The following PLCE1 variants were observed in gnomAD, a reference collection of about 807,000 sequenced individuals.
PLCE1 encodes phospholipase C epsilon 1, also known as 1-phosphatidylinositol 4,5-bisphosphate phosphodiesterase epsilon-1.
A neutral mutation model predicts 242.8 loss-of-function variants in PLCE1; 119 were observed. That is an observed-to-expected ratio of 0.49 (90% CI 0.42 to 0.57). PLCE1 has a LOEUF of 0.57. Ranked by LOEUF, PLCE1 falls within the 20% of genes least tolerant of loss-of-function variation. PLCE1 has a pLI of 0.00. For synonymous variants in PLCE1, 945 were observed against 1,017.4 expected (o/e 0.93, Z 1.35); for missense variants, 2,441 against 2,788.8 (o/e 0.88, Z 2.81).
At position 94,330,939 on chromosome 10, in the gene PLCE1, C is replaced by G. The variant is rs1223466326; in HGVS notation, c.*2996C>G. 2 of 152,146 alleles carry G rather than the reference C, an allele frequency of 1.3e-5. No individual in the cohort carries two copies. Among genetic ancestry groups the G allele is most frequent in the Non-Finnish European group, 2.9e-5 (2 of 68,026 alleles). 9.4% of individuals were successfully genotyped at this position (152,146 alleles called of 1,614,324 possible). ...CATTAAAGTTGATGTGGACAAGAAT[C>G]TAAATATGCAAGTTGGGGTCATTAC... is the stretch of plus-strand genomic sequence containing the variant. On this transcript the variant is annotated 3_prime_UTR_variant, in exon 33 of 33. Transcript: ENST00000371380.
At chr10:94,062,448 A>G (rs1341364806) in intron 2 of PLCE1, among the ~76,000 whole-genome samples, 1 of 152,066 alleles carries the variant, frequency 6.6e-6, no homozygotes, top group South Asian at 2.1e-4. Flanking sequence ...AGCTCAAATG[A>G]TTAGACTTTT....
At chr10:94,315,518 C>T (rs770347627) in intron 28 of PLCE1, 19 of 455,712 alleles carry the variant, frequency 4.2e-5, no homozygotes, top group South Asian at 1.6e-4. Flanking sequence ...CCTGTAATCC[C>T]GGCACTTTGG....
At chr10:94,078,004 C>A (rs1176877327) in intron 2 of PLCE1, among the ~76,000 whole-genome samples, 1 of 152,146 alleles carries the variant, frequency 6.6e-6, no homozygotes, top group African/African-American at 2.4e-5. Context: ...GATTTGGTGG[C>A]AAAACCTTAG....
chr10:94,166,789 C>T lies in PLCE1; in HGVS notation c.1493-4391C>T, dbSNP rs149913544. ...TTATCGTCTATAGCAAGGGGATAAT[C>T]ACACCACCTTACAGGGTTCACTGTG... On this transcript the variant is annotated intron_variant, in intron 3 of 32. Transcript: ENST00000371380. 7.4e-3 allele frequency among the ~76,000 whole-genome samples: 1,123 copies of T among 152,158 alleles called. 15 individuals carry two copies. Among genetic ancestry groups the T allele is most frequent in the African/African-American group, 0.025 (1,058 of 41,496 alleles).
At chr10:94,172,950 GT>G (rs1459940631) in intron 4 of PLCE1, among the ~76,000 whole-genome samples, 1 of 152,200 alleles carries the variant, frequency 6.6e-6, no homozygotes, top group Non-Finnish European at 1.5e-5. Context: ...AATACAACGA[GT>G]GTTAGAGGCT....
At chr10:94,185,657 A>T (rs2048454898) in intron 4 of PLCE1, among the ~76,000 whole-genome samples, 1 of 152,260 alleles carries the variant, frequency 6.6e-6, no homozygotes, top group Admixed American at 6.5e-5. Flanking sequence ...ACACTTAAAC[A>T]AGATAACATA....
At chr10:94,192,649 A>C (rs759178970) in intron 4 of PLCE1, among the ~76,000 whole-genome samples, 12 of 152,188 alleles carry the variant, frequency 7.9e-5, no homozygotes, top group Non-Finnish European at 1.0e-4. Flanking sequence ...ATGCAAGTGC[A>C]TGTGTCTTTT....
At chr10:94,052,954 A>C (rs1001502835) in intron 2 of PLCE1, among the ~76,000 whole-genome samples, 5 of 152,354 alleles carry the variant, frequency 3.3e-5, no homozygotes, top group Non-Finnish European at 7.3e-5. Flanking sequence ...GGAATAAGCC[A>C]CTTGCCATTT....
At chr10:94,229,000 G>A (rs988952435) in intron 5 of PLCE1, among the ~76,000 whole-genome samples, 1 of 152,002 alleles carries the variant, frequency 6.6e-6, no homozygotes, top group Non-Finnish European at 1.5e-5. Context: ...TGGCCAACAT[G>A]GTAAAACCCC....
intron 3 of PLCE1, among the ~76,000 whole-genome samples, chr10:94,149,191 TA>T (rs1194777829): frequency 6.6e-6 from 1 of 152,216 alleles, no homozygotes; most frequent in Non-Finnish European, 1.5e-5. Context: ...TCCATGCTGC[TA>T]AACTCCTCAG....
chr10:94,224,524 C>T (rs2137131588), intron 4 of PLCE1, among the ~76,000 whole-genome samples: 1 of 152,164 alleles, frequency 6.6e-6, no homozygotes, highest in Non-Finnish European at 1.5e-5. Flanking sequence ...GCCATAGAGA[C>T]AATATAGCCA....
At chr10:94,171,707 T>C (rs2047984974) in intron 4 of PLCE1, among the ~76,000 whole-genome samples, 2 of 152,156 alleles carry the variant, frequency 1.3e-5, no homozygotes, top group African/African-American at 2.4e-5. Flanking sequence ...TTAAGCCTAA[T>C]TGATCTCAAC....
chr10:94,232,756 C>T (rs1384773902), intron 5 of PLCE1, among the ~76,000 whole-genome samples: 3 of 152,188 alleles, frequency 2.0e-5, no homozygotes, highest in Non-Finnish European at 2.9e-5. Flanking sequence ...CCTCTTTGCA[C>T]AGTATCCCCT....
At chr10:94,285,035 T>C in intron 22 of PLCE1, 70 bp downstream of exon 22, 2 of 878,320 alleles carry the variant, frequency 2.3e-6, no homozygotes, top group South Asian at 2.7e-5. Context: ...TTTATTTAAT[T>C]GGGCATTGTG....
At chr10:94,093,192 C>T (rs777085050) in intron 2 of PLCE1, among the ~76,000 whole-genome samples, 1 of 152,170 alleles carries the variant, frequency 6.6e-6, no homozygotes, top group Non-Finnish European at 1.5e-5. Context: ...TAAAATTGCC[C>T]AGCTCCATCT....
chr10:94,230,583 C>G (rs1347449502), intron 5 of PLCE1, among the ~76,000 whole-genome samples: 1 of 151,452 alleles, frequency 6.6e-6, no homozygotes, highest in Non-Finnish European at 1.5e-5. Flanking sequence ...CCTCAGCCTC[C>G]CAAAGTGCTA....
intron 2 of PLCE1, among the ~76,000 whole-genome samples, chr10:94,039,699 T>C (rs2134615933): frequency 6.6e-6 from 1 of 152,328 alleles, no homozygotes; most frequent in Non-Finnish European, 1.5e-5. Flanking sequence ...TTTCTCCACA[T>C]CTTGAACAGT....
chr10:94,243,760 A>G (rs994242561), intron 7 of PLCE1, among the ~76,000 whole-genome samples: 2 of 152,128 alleles, frequency 1.3e-5, no homozygotes, highest in Admixed American at 6.5e-5. Context: ...AAGTTTTACA[A>G]TAACATCTTG....
intron 1 of PLCE1, among the ~76,000 whole-genome samples, chr10:94,020,734 T>C (rs2061362414): frequency 6.6e-6 from 1 of 152,148 alleles, no homozygotes; most frequent in South Asian, 2.1e-4. Context: ...TTTGCATTTA[T>C]TATTTTGTGG....
Sources: gnomAD v4.1 joint callset for allele counts (sites outside exome capture counted in the v4.1 genomes callset) on GRCh38, gnomAD v4.1.1 for gene constraint, MANE v1.5 for transcripts, NCBI Gene and HGNC (gene_info 2026-07-23, HGNC 2026-07-21) for gene names.